The following CTNNA3 variants were observed in gnomAD, a reference collection of about 807,000 sequenced individuals.
The protein encoded by CTNNA3 is catenin alpha-3.
In CTNNA3, 76 loss-of-function variants were observed where a neutral mutation model predicts 95.7. The ratio of observed to expected loss-of-function variants is 0.79; its 90% CI spans 0.66 to 0.96. The LOEUF is 0.96. Ranked by LOEUF, CTNNA3 falls within the 40% of genes least tolerant of loss-of-function variation. The probability of loss-of-function intolerance (pLI) is 0.00; values close to 1 mark genes in which losing one functional copy is unlikely to be tolerated. For synonymous variants in CTNNA3, 431 were observed against 374.4 expected, an observed-to-expected ratio of 1.15 and a Z score of -1.74; for missense variants, 1,191 against 1,089.8, an observed-to-expected ratio of 1.09 and a Z score of -1.31.
chr10:66,022,105 G>A (rs1427335276), intron 15 of CTNNA3, among the ~76,000 whole-genome samples: 2 of 151,786 alleles, frequency 1.3e-5, no homozygotes, highest in African/African-American at 4.8e-5. Flanking sequence ...CAATCTTCCT[G>A]TCTCAGCCTC....
chr10:67,348,199 AG>A (rs1427985726), intron 5 of CTNNA3, among the ~76,000 whole-genome samples: 7 of 152,214 alleles, frequency 4.6e-5, no homozygotes, highest in Non-Finnish European at 8.8e-5. Context: ...AACTTCTAGA[AG>A]AAAACATAGT....
chr10:66,413,361 A>C (rs1343586498), intron 11 of CTNNA3, among the ~76,000 whole-genome samples: 2 of 142,898 alleles, frequency 1.4e-5, no homozygotes, highest in African/African-American at 2.6e-5. Context: ...TTCAAGTTTA[A>C]AAAGCCCTGC....
chr10:66,527,075 C>A (rs1418366469), intron 10 of CTNNA3, among the ~76,000 whole-genome samples: 1 of 152,016 alleles, frequency 6.6e-6, no homozygotes, highest in Admixed American at 6.6e-5. Context: ...ATGTTTAAGT[C>A]TTTGATTCAT....
intron 11 of CTNNA3, among the ~76,000 whole-genome samples, chr10:66,415,878 A>C (rs1188342172): frequency 6.6e-6 from 1 of 152,168 alleles, no homozygotes; most frequent in Admixed American, 6.5e-5. Flanking sequence ...AAAAAGTTAG[A>C]AGAAGCAACT....
At chr10:66,275,797 A>C (rs1399323038) in intron 13 of CTNNA3, among the ~76,000 whole-genome samples, 1 of 152,180 alleles carries the variant, frequency 6.6e-6, no homozygotes, top group African/African-American at 2.4e-5. Flanking sequence ...AAGACACATA[A>C]AGAAAAGATG....
intron 11 of CTNNA3, among the ~76,000 whole-genome samples, chr10:66,430,122 G>T (rs544219866): frequency 3.0e-5 from 4 of 133,342 alleles, no homozygotes; most frequent in South Asian, 5.1e-4. Flanking sequence ...GACAAACAAA[G>T]AGCCAAATCA....
chr10:66,649,047 T>C lies in CTNNA3; in HGVS notation c.1282-27263A>G, dbSNP rs968009519. Among the ~76,000 whole-genome samples, 5 of 152,158 alleles carry C rather than the reference T, an allele frequency of 3.3e-5. No individual in the cohort carries two copies. In the South Asian group the frequency reaches 6.2e-4, roughly 19 times the overall value. On this transcript the variant is annotated intron_variant, in intron 9 of 17. Transcript: ENST00000433211. ...GAAAAACACCCACAAAGTAGATTCA[T>C]AGGAAATGGCCAGAGAGGTAGAAGG...
intron 2 of CTNNA3, among the ~76,000 whole-genome samples, chr10:67,629,009 T>TAA (rs903782545): frequency 6.9e-6 from 1 of 143,904 alleles, no homozygotes. Context: ...AGAACTCTAA[T>TAA]AAAAAAAAAA....
intron 16 of CTNNA3, among the ~76,000 whole-genome samples, chr10:65,973,475 A>G (rs997666204): frequency 2.0e-5 from 3 of 152,324 alleles, no homozygotes; most frequent in Admixed American, 2.0e-4. Flanking sequence ...TCCAGGATCT[A>G]TAAGGAACTT....
At chr10:67,158,217 G>A (rs1015896936) in intron 7 of CTNNA3, among the ~76,000 whole-genome samples, 11 of 151,608 alleles carry the variant, frequency 7.3e-5, no homozygotes, top group Admixed American at 2.6e-4. Flanking sequence ...TGCTTCCCGC[G>A]AAAAATGAAG....
intron 12 of CTNNA3, among the ~76,000 whole-genome samples, chr10:66,331,347 T>G (rs933137640): frequency 2.6e-5 from 2 of 76,584 alleles, no homozygotes; most frequent in African/African-American, 5.5e-5. Context: ...TGTTTGTTTT[T>G]TTTTTTTTTT....
At chr10:66,876,747 G>GA (rs1327639277) in intron 7 of CTNNA3, among the ~76,000 whole-genome samples, 1 of 151,782 alleles carries the variant, frequency 6.6e-6, no homozygotes, top group Non-Finnish European at 1.5e-5. Flanking sequence ...GAAATGCAAA[G>GA]ATGGGCAAGC....
chr10:67,083,451 T>A (rs1339154809), intron 7 of CTNNA3, among the ~76,000 whole-genome samples: 1 of 152,022 alleles, frequency 6.6e-6, no homozygotes, highest in East Asian at 1.9e-4. Flanking sequence ...TAAAGCAGAA[T>A]AACCTGATCC....
At chr10:65,940,344 A>T (rs1467821739) in intron 17 of CTNNA3, among the ~76,000 whole-genome samples, 2 of 152,308 alleles carry the variant, frequency 1.3e-5, no homozygotes, top group East Asian at 3.9e-4. Context: ...TTAGTTTAAA[A>T]CATTGTTAAT....
At chr10:67,154,081 A>G (rs1201443592) in intron 7 of CTNNA3, among the ~76,000 whole-genome samples, 1 of 152,118 alleles carries the variant, frequency 6.6e-6, no homozygotes, top group Non-Finnish European at 1.5e-5. Flanking sequence ...ACTATATCCA[A>G]TGTATAAGTA....
At chr10:67,670,348 T>G (rs1336726495) in intron 1 of CTNNA3, among the ~76,000 whole-genome samples, 1 of 152,218 alleles carries the variant, frequency 6.6e-6, no homozygotes, top group Non-Finnish European at 1.5e-5. Context: ...CTACTGATTT[T>G]GCATAATAGA....
At chr10:67,735,144 C>A (rs1589584857) in intron 1 of CTNNA3, among the ~76,000 whole-genome samples, 1 of 86,666 alleles carries the variant, frequency 1.2e-5, no homozygotes, top group South Asian at 3.3e-4. Flanking sequence ...CACACACACA[C>A]AAACACACAC....
At chr10:67,243,607 T>G (rs1488453993) in intron 5 of CTNNA3, among the ~76,000 whole-genome samples, 2 of 152,350 alleles carry the variant, frequency 1.3e-5, no homozygotes, top group East Asian at 3.9e-4. Context: ...CATGCTTCTC[T>G]GGCTTCTCTC....
At chr10:66,136,347 T>A (rs1218066665) in intron 13 of CTNNA3, among the ~76,000 whole-genome samples, 1 of 152,258 alleles carries the variant, frequency 6.6e-6, no homozygotes, top group Non-Finnish European at 1.5e-5. Context: ...AGTGTAGTTC[T>A]AACATGGATG....
Sources: allele counts gnomAD v4.1 joint callset (sites outside exome capture counted in the v4.1 genomes callset), GRCh38; gene constraint gnomAD v4.1.1; transcripts MANE v1.5; gene names NCBI Gene and HGNC (gene_info 2026-07-23, HGNC 2026-07-21).